KLHL8: variants seen among roughly 807,000 people sequenced by gnomAD.
The protein encoded by KLHL8 is kelch-like protein 8.
Under a neutral mutation model 63.5 loss-of-function variants are expected in KLHL8, and 38 were observed. The ratio of observed to expected loss-of-function variants is 0.60; its 90% CI spans 0.46 to 0.78. The LOEUF (loss-of-function observed/expected upper bound fraction) is 0.78. Ranked by LOEUF, KLHL8 falls within the 30% of genes least tolerant of loss-of-function variation. The pLI is 0.00. For synonymous variants in KLHL8, 224 were observed against 254.3 expected, an observed-to-expected ratio of 0.88 and a Z score of 1.13; for missense variants, 566 against 752.4, an observed-to-expected ratio of 0.75 and a Z score of 2.90.
Position 87,178,628 on chromosome 4 carries a change from T to A in KLHL8, c.953-8A>T, listed in dbSNP as rs181988764. 6.5e-7 allele frequency: 1 copy of A among 1,532,916 alleles called. No individual in the cohort carries two copies. Among genetic ancestry groups the A allele is most frequent in the Non-Finnish European group, 8.7e-7 (1 of 1,145,372 alleles). 95.0% of individuals were successfully genotyped at this position (1,532,916 alleles called of 1,614,324 possible). ...CTACACAAAACAGCACACCTAAAGGTAAAGCCACAAAATAGAGATAAATCA... is the reference window on the plus strand; with the variant it reads ...CTACACAAAACAGCACACCTAAAGGAAAAGCCACAAAATAGAGATAAATCA... On this transcript the variant is annotated splice_polypyrimidine_tract_variant and splice_region_variant and intron_variant, in intron 4 of 9. Transcript: ENST00000273963.
intron 1 of KLHL8, among the ~76,000 whole-genome samples, chr4:87,204,377 C>A (rs1732036463): frequency 6.7e-6 from 1 of 150,286 alleles, no homozygotes; most frequent in Admixed American, 6.6e-5. Flanking sequence ...AACAGCATCA[C>A]TGTTCTAAAA....
chr4:87,226,587 A>ATATATAAATAATATATATATTATT lies in KLHL8; in HGVS notation n.58-5221_58-5198dup, dbSNP rs1218788493. Among the ~76,000 whole-genome samples, 146 of 84,796 alleles carry ATATATAAATAATATATATATTATT rather than the reference A, an allele frequency of 1.7e-3. 10 individuals carry two copies. Among genetic ancestry groups the ATATATAAATAATATATATATTATT allele is most frequent in the Admixed American group, 2.5e-3 (13 of 5,232 alleles). The allele number at this position is 84,796 out of a possible 152,430, so 55.6% of individuals were successfully genotyped here. On this transcript the variant is annotated intron_variant and non_coding_transcript_variant, in intron 1 of 1. Coordinates refer to the KLHL8 transcript ENST00000506274. ...TCTCTCGCTCTCTCTCTCTCTCTAT[A>ATATATAAATAATATATATATTATT]TATATAAATAATATATATATTATTT...
chr4:87,175,706 G>C (rs566272172), intron 6 of KLHL8, among the ~76,000 whole-genome samples: 12 of 152,160 alleles, frequency 7.9e-5, no homozygotes, highest in African/African-American at 2.9e-4. Flanking sequence ...CTTCCCTTTA[G>C]ACTGATACAT....
intron 1 of KLHL8, among the ~76,000 whole-genome samples, chr4:87,229,920 A>T (rs947132101): frequency 1.3e-5 from 2 of 152,020 alleles, no homozygotes; most frequent in African/African-American, 2.4e-5. Context: ...AATTAAAAGA[A>T]TATTCGTTTT....
intron 1 of KLHL8, 36 bp from the exon 2 acceptor site, chr4:87,195,726 G>A (rs1407469188): frequency 7.8e-5 from 37 of 476,758 alleles, no homozygotes; most frequent in Non-Finnish European, 1.2e-4. Context: ...AGAGACAAAC[G>A]AAAAGAAAAA....
At chr4:87,218,130 C>T (rs1426538129) in intron 1 of KLHL8, among the ~76,000 whole-genome samples, 5 of 152,084 alleles carry the variant, frequency 3.3e-5, no homozygotes, top group East Asian at 3.9e-4. Flanking sequence ...TAGGGGTAGG[C>T]GATACATGGG....
At chr4:87,232,090 T>C (rs987120885) in intron 1 of KLHL8, among the ~76,000 whole-genome samples, 1 of 152,236 alleles carries the variant, frequency 6.6e-6, no homozygotes, top group Non-Finnish European at 1.5e-5. Flanking sequence ...TTATTCTTTA[T>C]GAGTGTATAA....
At chr4:87,190,844 G>A (rs1279311327) in intron 2 of KLHL8, among the ~76,000 whole-genome samples, 2 of 152,098 alleles carry the variant, frequency 1.3e-5, no homozygotes, top group African/African-American at 4.8e-5. Flanking sequence ...GTCTTCAGAT[G>A]GTGGAAGGCA....
chr4:87,181,645 TCTA>T (rs1485596245), intron 4 of KLHL8, among the ~76,000 whole-genome samples: 1 of 152,050 alleles, frequency 6.6e-6, no homozygotes, highest in Non-Finnish European at 1.5e-5. Flanking sequence ...ATACCCTTTC[TCTA>T]CTATTTCTAT....
intron 2 of KLHL8, among the ~76,000 whole-genome samples, chr4:87,189,717 T>C (rs1731404248): frequency 6.6e-6 from 1 of 152,010 alleles, no homozygotes; most frequent in Non-Finnish European, 1.5e-5. Context: ...GTAAACTATC[T>C]CCACTTCACT....
At chr4:87,171,285 T>C (rs1730624460) in intron 6 of KLHL8, among the ~76,000 whole-genome samples, 1 of 152,178 alleles carries the variant, frequency 6.6e-6, no homozygotes, top group South Asian at 2.1e-4. Context: ...ACCTCTACTA[T>C]CTTGTGTCTC....
upstream of KLHL8, among the ~76,000 whole-genome samples, chr4:87,222,904 AC>A (rs1303599539): frequency 6.6e-6 from 1 of 151,948 alleles, no homozygotes; most frequent in African/African-American, 2.4e-5. Context: ...ATTTAGTAAG[AC>A]CATGTTAATA....
In KLHL8 at chr4:87,160,909, T is replaced by C. The variant is rs1259048455; in HGVS notation, c.*2610A>G. On this transcript the variant is annotated 3_prime_UTR_variant, in exon 10 of 10. Coordinates refer to ENST00000273963, the MANE Select transcript of KLHL8 (RefSeq NM_020803.5). Reference sequence around the variant, plus strand: ...GTAGCCATCTTCTTTGAATATTTCATCTCTTCATTTCTATGAATATAATCA... The same window carrying C: ...GTAGCCATCTTCTTTGAATATTTCACCTCTTCATTTCTATGAATATAATCA... 1 of 152,232 alleles carries C rather than the reference T, an allele frequency of 6.6e-6. No individual in the cohort carries two copies. Among genetic ancestry groups the C allele is most frequent in the Non-Finnish European group, 1.5e-5 (1 of 68,042 alleles). 9.4% of individuals were successfully genotyped at this position (152,232 alleles called of 1,614,324 possible). A position where few individuals can be genotyped will look rare whatever the true frequency, so the allele number is the denominator to read the frequency against.
intron 1 of KLHL8, among the ~76,000 whole-genome samples, chr4:87,226,257 T>C (rs1241547040): frequency 6.6e-6 from 1 of 152,092 alleles, no homozygotes; most frequent in Non-Finnish European, 1.5e-5. Context: ...AGTACTTCTT[T>C]CATTAAGATA....
Position 87,178,630 on chromosome 4 carries a change from A to G in KLHL8, c.953-10T>C. 1.3e-6 allele frequency: 2 copies of G among 1,536,576 alleles called. No individual in the cohort carries two copies. Among genetic ancestry groups the G allele is most frequent in the Non-Finnish European group, 1.7e-6 (2 of 1,147,432 alleles). Reference sequence around the variant, plus strand: ...ACACAAAACAGCACACCTAAAGGTAAAGCCACAAAATAGAGATAAATCATA... The same window carrying G: ...ACACAAAACAGCACACCTAAAGGTAGAGCCACAAAATAGAGATAAATCATA... On this transcript the variant is annotated splice_polypyrimidine_tract_variant and intron_variant, in intron 4 of 9. Coordinates refer to ENST00000273963, the MANE Select transcript of KLHL8 (RefSeq NM_020803.5).
chr4:87,231,002 C>T (rs1024429442), intron 1 of KLHL8, among the ~76,000 whole-genome samples: 1 of 152,216 alleles, frequency 6.6e-6, no homozygotes, highest in Non-Finnish European at 1.5e-5. Context: ...TCCAGCCCTT[C>T]ACCTGGGGGA....
At chr4:87,163,679 A>T (rs1730263023) in intron 9 of KLHL8, 37 bp from the exon 10 acceptor site, 1 of 1,610,422 alleles carries the variant, frequency 6.2e-7, no homozygotes, top group South Asian at 1.1e-5. Context: ...TACAAAGCAT[A>T]ATTTACTTTA....
chr4:87,194,462 C>T (rs920642983), intron 2 of KLHL8, among the ~76,000 whole-genome samples: 6 of 152,162 alleles, frequency 3.9e-5, no homozygotes, highest in Admixed American at 2.6e-4. Context: ...CATTTGAGCC[C>T]GAGTTTGAGA....
intron 8 of KLHL8, among the ~76,000 whole-genome samples, chr4:87,165,579 A>G (rs1210765643): frequency 6.6e-6 from 1 of 151,322 alleles, no homozygotes; most frequent in Non-Finnish European, 1.5e-5. Context: ...TTTTTTAAAT[A>G]GAGATGAGGT....
Sources: gnomAD v4.1 joint callset for allele counts (sites outside exome capture counted in the v4.1 genomes callset) on GRCh38, gnomAD v4.1.1 for gene constraint, MANE v1.5 for transcripts, NCBI Gene and HGNC (gene_info 2026-07-23, HGNC 2026-07-21) for gene names.